Variants in CPNE3 observed in about 807,000 individuals in gnomAD.
CPNE3 encodes copine 3, also known as copine-3.
CPNE3 carries 68 observed loss-of-function variants against 63.9 expected under a neutral mutation model. The observed-to-expected ratio is 1.06, with a 90% CI of 0.87 to 1.30. The LOEUF is 1.30. Among genes scored for constraint, CPNE3 ranks in the 50% most tolerant of loss-of-function variants. The probability of loss-of-function intolerance (pLI) is 0.00; values close to 1 mark genes in which losing one functional copy is unlikely to be tolerated. For synonymous variants in CPNE3, 219 were observed against 197.5 expected, an observed-to-expected ratio of 1.11 and a Z score of -0.91; for missense variants, 665 against 578.1, an observed-to-expected ratio of 1.15 and a Z score of -1.54.
intron 9 of CPNE3, among the ~76,000 whole-genome samples, chr8:86,546,028 C>A (rs1821040748): frequency 6.6e-6 from 1 of 151,930 alleles, no homozygotes; most frequent in African/African-American, 2.4e-5. Flanking sequence ...GAAGGAAGAT[C>A]ATTCTTTTGG....
At chr8:86,546,475 A>G (rs1821052224) in intron 9 of CPNE3, 120 bp from the exon 10 acceptor site, 1 of 941,156 alleles carries the variant, frequency 1.1e-6, no homozygotes, top group Non-Finnish European at 1.6e-6. Context: ...TATATTTTGC[A>G]ACAGACCTAC....
At chr8:86,538,172 C>T (rs953087218) in intron 7 of CPNE3, among the ~76,000 whole-genome samples, 3 of 152,072 alleles carry the variant, frequency 2.0e-5, no homozygotes, top group Non-Finnish European at 2.9e-5. Context: ...GTCAGGAGCT[C>T]GAGACCAGCC....
chr8:86,521,076 T>A (rs1284796522), intron 2 of CPNE3, among the ~76,000 whole-genome samples: 3 of 152,154 alleles, frequency 2.0e-5, no homozygotes, highest in Non-Finnish European at 4.4e-5. Context: ...ACAAGCGTAG[T>A]TTAAATTCTT....
At chr8:86,528,413 C>A (rs1406663071) in intron 2 of CPNE3, 123 bp from the exon 3 acceptor site, 1 of 1,006,772 alleles carries the variant, frequency 9.9e-7, no homozygotes, top group Non-Finnish European at 1.5e-6. Flanking sequence ...CTGATTCTGG[C>A]AAGTTCACTC....
At chr8:86,554,660 A>G (rs943387854) in intron 14 of CPNE3, among the ~76,000 whole-genome samples, 191 bp from the exon 15 acceptor site, 10 of 152,182 alleles carry the variant, frequency 6.6e-5, no homozygotes, top group Non-Finnish European at 1.2e-4. Flanking sequence ...GACAGAGCTT[A>G]TAGGTTTTTG....
At chr8:86,522,634 G>C (rs1056501896) in intron 2 of CPNE3, among the ~76,000 whole-genome samples, 4 of 146,544 alleles carry the variant, frequency 2.7e-5, no homozygotes, top group African/African-American at 1.0e-4. Context: ...CACTGCCTAG[G>C]GTGTGTTTTG....
chr8:86,533,712 C>T (rs1210999101), intron 6 of CPNE3, among the ~76,000 whole-genome samples: 1 of 151,986 alleles, frequency 6.6e-6, no homozygotes, highest in Non-Finnish European at 1.5e-5. Flanking sequence ...TTCATTTAAT[C>T]TCTACCCTTA....
intron 11 of CPNE3, 77 bp downstream of exon 11, chr8:86,547,847 A>C (rs1821089052): frequency 1.3e-6 from 1 of 760,702 alleles, no homozygotes; most frequent in African/African-American, 1.7e-5. Context: ...TGCAAAACTG[A>C]CTTTGTAATG....
chr8:86,528,918 CT>C, intron 3 of CPNE3, 26 bp from the exon 4 acceptor site: 1 of 1,584,890 alleles, frequency 6.3e-7, no homozygotes, highest in Non-Finnish European at 8.6e-7. Flanking sequence ...TCTGAAGAAA[CT>C]TTTTTGTTTT....
At chr8:86,523,400 G>A (rs1052916585) in intron 2 of CPNE3, among the ~76,000 whole-genome samples, 3 of 152,164 alleles carry the variant, frequency 2.0e-5, no homozygotes, top group African/African-American at 7.2e-5. Context: ...CAGATGTCAT[G>A]CTTCAGGAAG....
At chr8:86,550,944 C>A in intron 12 of CPNE3, 102 bp from the exon 13 acceptor site, 1 of 1,169,830 alleles carries the variant, frequency 8.5e-7, no homozygotes, top group Non-Finnish European at 1.2e-6. Flanking sequence ...GTTTTATCTT[C>A]ATACTTTTTG....
Position 86,547,658 on chromosome 8 carries a change from G to T in CPNE3, c.820-53G>T. The T allele has an allele frequency of 1.0e-5, 8 of 789,328 alleles. No homozygotes were observed. The Admixed American group carries it at 1.1e-4, about 11-fold the overall frequency. The allele number at this position is 789,328 out of a possible 1,614,324, so 48.9% of individuals were successfully genotyped here. A position where few individuals can be genotyped will look rare whatever the true frequency, so the allele number is the denominator to read the frequency against. The stretch of plus-strand genomic sequence containing the variant: ...AAAAATATATGCCAAAGAGTTTTTT[G>T]CTTCTCTTGTATAGTAGGAGAGTTG... On this transcript the variant is annotated intron_variant, in intron 10 of 16. Transcript: ENST00000517490.
At chr8:86,556,059 A>G in intron 15 of CPNE3, 43 bp from the exon 16 acceptor site, 1 of 854,108 alleles carries the variant, frequency 1.2e-6, no homozygotes, top group African/African-American at 1.6e-5. Flanking sequence ...GCCATTAGCC[A>G]TTGCTTGACT....
chr8:86,555,593 T>C (rs2131504379), intron 15 of CPNE3, among the ~76,000 whole-genome samples: 1 of 152,344 alleles, frequency 6.6e-6, no homozygotes, highest in South Asian at 2.1e-4. Flanking sequence ...ATGTAACATT[T>C]TACTGCTCTC....
At chr8:86,551,783 A>G (rs1317192708) in intron 14 of CPNE3, among the ~76,000 whole-genome samples, 1 of 152,004 alleles carries the variant, frequency 6.6e-6, no homozygotes, top group Admixed American at 6.6e-5. Flanking sequence ...CTGTGTAGAG[A>G]GCAGGAGGCA....
At position 86,544,903 on chromosome 8, in the gene CPNE3, A is replaced by G. The variant is rs1305058197; in HGVS notation, c.732+65A>G. 4.2e-6 allele frequency: 4 copies of G among 947,716 alleles called. No individual in the cohort carries two copies. The East Asian group carries it at 8.3e-5, about 20-fold the overall frequency. 58.7% of individuals were successfully genotyped at this position (947,716 alleles called of 1,614,324 possible). ...GGCTATGTATTTATTACTGTATTTC[A>G]TTTTTTTCCCATAGCATCAAACGGT... On this transcript the variant is annotated intron_variant, in intron 9 of 16. Coordinates refer to ENST00000517490, the MANE Select transcript of CPNE3 (RefSeq NM_003909.5).
rs937211870 is a variant in CPNE3, at chr8:86,561,085, A to C, written c.*2675A>C. ...TCAGAGATTTACAACTGTTCATTATAGTGGTGCCTTAGGCAATCTTTCCAA... is the reference window on the plus strand; with the variant it reads ...TCAGAGATTTACAACTGTTCATTATCGTGGTGCCTTAGGCAATCTTTCCAA... On this transcript the variant is annotated 3_prime_UTR_variant, in exon 17 of 17. Transcript: ENST00000517490. The C allele has an allele frequency of 3.9e-5, 6 of 152,248 alleles. No homozygotes were observed. Among genetic ancestry groups the C allele is most frequent in the Admixed American group, 2.0e-4 (3 of 15,286 alleles). 9.4% of individuals were successfully genotyped at this position (152,248 alleles called of 1,614,324 possible).
chr8:86,560,597 T>G lies in CPNE3; in HGVS notation c.*2187T>G, dbSNP rs1211695950. On this transcript the variant is annotated 3_prime_UTR_variant, in exon 17 of 17. Transcript: ENST00000517490. ...CAGAATTATTCTATTTTAAAATTGT[T>G]TTAAAATTTAAAACATTTAATTCAT... The G allele has an allele frequency of 8.4e-5, 2 of 23,824 alleles. No individual in the cohort carries two copies. The highest frequency in any genetic ancestry group is 1.7e-4 in the Non-Finnish European group (2 of 11,598). The allele number at this position is 23,824 out of a possible 1,614,324, so 1.5% of individuals were successfully genotyped here. A position where few individuals can be genotyped will look rare whatever the true frequency, so the allele number is the denominator to read the frequency against.
chr8:86,515,708 T>A (rs1417344683), intron 2 of CPNE3, among the ~76,000 whole-genome samples: 4 of 152,196 alleles, frequency 2.6e-5, no homozygotes, highest in Non-Finnish European at 5.9e-5. Flanking sequence ...AGAGATAAAA[T>A]GTCACAAGGT....
Sources: allele counts gnomAD v4.1 joint callset (sites outside exome capture counted in the v4.1 genomes callset), GRCh38; gene constraint gnomAD v4.1.1; transcripts MANE v1.5; gene names NCBI Gene and HGNC (gene_info 2026-07-23, HGNC 2026-07-21).